The following CHRM2 variants were observed in gnomAD, a reference collection of about 807,000 sequenced individuals.
The protein encoded by CHRM2 is cholinergic receptor muscarinic 2, also known as muscarinic acetylcholine receptor M2.
CHRM2 carries 8 observed loss-of-function variants against 25.0 expected under a neutral mutation model. The ratio of observed to expected loss-of-function variants is 0.32; its 90% CI spans 0.19 to 0.58. CHRM2 has a LOEUF of 0.58. CHRM2 is among the 20% of genes least tolerant of loss of function. The pLI, the probability that CHRM2 is intolerant of heterozygous loss-of-function variation, is 0.88. For missense variants in CHRM2, 440 were observed against 567.1 expected (o/e 0.78, Z 2.28); for synonymous variants, 202 against 205.7 (o/e 0.98, Z 0.15).
At chr7:136,985,344 T>C (rs1802775305) in intron 2 of CHRM2, among the ~76,000 whole-genome samples, 1 of 151,726 alleles carries the variant, frequency 6.6e-6, no homozygotes, top group Non-Finnish European at 1.5e-5. Context: ...ACCCCGTCTC[T>C]ACTAAAAATA....
chr7:136,950,466 A>G (rs1800341963), intron 2 of CHRM2, among the ~76,000 whole-genome samples: 1 of 152,046 alleles, frequency 6.6e-6, no homozygotes, highest in South Asian at 2.1e-4. Flanking sequence ...AGTTCAGAGG[A>G]GTGGGGGTTA....
At chr7:136,927,269 T>C (rs2130762294) in intron 2 of CHRM2, among the ~76,000 whole-genome samples, 1 of 152,274 alleles carries the variant, frequency 6.6e-6, no homozygotes, top group Middle Eastern at 3.4e-3. Flanking sequence ...AGAAGGCTCT[T>C]GGGCCCAGAA....
At chr7:136,970,705 A>AAT (rs35417660) in intron 2 of CHRM2, among the ~76,000 whole-genome samples, 129,990 of 151,976 alleles carry the variant, frequency 0.86, 56,423 homozygotes, top group Middle Eastern at 0.97. Flanking sequence ...CTGAAAAAAA[A>AAT]GTTTTTCAAA....
chr7:136,962,647 T>C (rs565995389), intron 2 of CHRM2, among the ~76,000 whole-genome samples: 2 of 152,218 alleles, frequency 1.3e-5, no homozygotes, highest in Non-Finnish European at 2.9e-5. Context: ...TTTCATTTAC[T>C]TGGCATCAGT....
At chr7:136,908,610 T>G (rs1797680565) in intron 2 of CHRM2, among the ~76,000 whole-genome samples, 1 of 152,054 alleles carries the variant, frequency 6.6e-6, no homozygotes. Flanking sequence ...TGAATAATTT[T>G]ATCTCTTCTC....
intron 2 of CHRM2, among the ~76,000 whole-genome samples, chr7:136,951,827 C>T (rs1224390049): frequency 6.6e-6 from 1 of 152,132 alleles, no homozygotes; most frequent in Admixed American, 6.6e-5. Flanking sequence ...GAAATGGCAA[C>T]CTTTAATCTA....
intron 2 of CHRM2, among the ~76,000 whole-genome samples, chr7:136,989,726 G>T (rs1803092843): frequency 6.6e-6 from 1 of 151,980 alleles, no homozygotes; most frequent in Non-Finnish European, 1.5e-5. Flanking sequence ...GCGTGACTTA[G>T]GTACTAATCT....
chr7:137,008,841 G>A (rs950360376), intron 3 of CHRM2, among the ~76,000 whole-genome samples: 11 of 151,876 alleles, frequency 7.2e-5, no homozygotes, highest in Non-Finnish European at 1.2e-4. Context: ...CCATGGATTC[G>A]TTTTTTCTTG....
intron 2 of CHRM2, among the ~76,000 whole-genome samples, chr7:136,954,238 G>GTATTTATATATGTATTTATATATGTATA (rs1800588127): frequency 6.6e-6 from 1 of 152,104 alleles, no homozygotes; most frequent in Non-Finnish European, 1.5e-5. Context: ...TTATATATGT[G>GTATTTATATATGTATTTATATATGTATA]TGTATTTTTC....
intron 2 of CHRM2, among the ~76,000 whole-genome samples, chr7:136,928,236 C>T (rs1261842855): frequency 2.6e-5 from 4 of 152,160 alleles, no homozygotes; most frequent in African/African-American, 9.7e-5. Context: ...AACCTGGTAT[C>T]AAATCCAAAA....
At chr7:136,911,804 T>G (rs1026202363) in intron 2 of CHRM2, among the ~76,000 whole-genome samples, 1 of 152,010 alleles carries the variant, frequency 6.6e-6, no homozygotes, top group Non-Finnish European at 1.5e-5. Context: ...ATGATATTTT[T>G]ATAAATGTGG....
rs1805232254 is a variant in CHRM2, at chr7:137,017,076, G to C, written c.*810G>C. On this transcript the variant is annotated 3_prime_UTR_variant, in exon 4 of 4. Transcript: ENST00000680005. ...GGATATCAAGGTCTATAAGGATTTAGTGCACTTATAATCCTATATGCGAAA... is the reference window on the plus strand; with the variant it reads ...GGATATCAAGGTCTATAAGGATTTACTGCACTTATAATCCTATATGCGAAA... 6.3e-6 allele frequency: 1 copy of C among 157,830 alleles called. No individual in the cohort carries two copies. The highest frequency in any genetic ancestry group is 2.4e-5 in the African/African-American group (1 of 41,400). 9.8% of individuals were successfully genotyped at this position (157,830 alleles called of 1,614,324 possible). A position where few individuals can be genotyped will look rare whatever the true frequency, so the allele number is the denominator to read the frequency against.
chr7:136,879,201 T>C (rs569660023), intron 2 of CHRM2, among the ~76,000 whole-genome samples: 55 of 152,116 alleles, frequency 3.6e-4, no homozygotes, highest in African/African-American at 1.2e-3. Flanking sequence ...CAATATTTAT[T>C]GATGTTTATA....
At chr7:136,876,438 T>A (rs2130478686) in intron 2 of CHRM2, among the ~76,000 whole-genome samples, 1 of 152,236 alleles carries the variant, frequency 6.6e-6, no homozygotes, top group Admixed American at 6.5e-5. Context: ...TGTTTCCAAA[T>A]AACACAATTA....
chr7:136,921,336 G>A (rs1798418382), intron 2 of CHRM2, among the ~76,000 whole-genome samples: 1 of 152,060 alleles, frequency 6.6e-6, no homozygotes. Context: ...ATTGTCTCCA[G>A]TGAGGTCTGC....
intron 2 of CHRM2, among the ~76,000 whole-genome samples, chr7:136,892,971 G>C (rs1429466794): frequency 6.6e-6 from 1 of 152,188 alleles, no homozygotes; most frequent in East Asian, 1.9e-4. Context: ...GTTCTTTACA[G>C]TGAGGTTAGA....
chr7:136,995,041 T>C (rs2131035080), intron 3 of CHRM2, among the ~76,000 whole-genome samples: 1 of 152,240 alleles, frequency 6.6e-6, no homozygotes, highest in South Asian at 2.1e-4. Flanking sequence ...AATTTCTTAT[T>C]AACATATCAA....
chr7:136,881,421 T>C (rs559428649), intron 2 of CHRM2, among the ~76,000 whole-genome samples: 46 of 152,016 alleles, frequency 3.0e-4, no homozygotes, highest in Middle Eastern at 3.4e-3. Context: ...GCCATGCTTC[T>C]TGAAGATAAA....
chr7:136,991,580 T>C (rs1039646275), intron 2 of CHRM2, among the ~76,000 whole-genome samples: 3 of 152,174 alleles, frequency 2.0e-5, no homozygotes, highest in Admixed American at 2.0e-4. Context: ...AGGTACCATA[T>C]TGTTCCATTG....
Sources: allele counts gnomAD v4.1 joint callset (sites outside exome capture counted in the v4.1 genomes callset), GRCh38; gene constraint gnomAD v4.1.1; transcripts MANE v1.5; gene names NCBI Gene and HGNC (gene_info 2026-07-23, HGNC 2026-07-21).